Variants in MADD observed in about 807,000 individuals in gnomAD.
MADD encodes the protein MAP kinase-activating death domain protein.
A neutral mutation model predicts 176.7 loss-of-function variants in MADD; 109 were observed. The ratio of observed to expected loss-of-function variants is 0.62; its 90% confidence interval spans 0.53 to 0.72. MADD has a LOEUF of 0.72. MADD is among the 30% of genes least tolerant of loss of function. MADD has a pLI of 0.00. For synonymous variants in MADD, 771 were observed against 771.3 expected (o/e 1.00, Z 0.01); for missense variants, 1,914 against 2,045.5 (o/e 0.94, Z 1.24).
At chr11:47,320,946 T>C (rs567568760) in intron 27 of MADD, among the ~76,000 whole-genome samples, 2 of 151,944 alleles carry the variant, frequency 1.3e-5, no homozygotes, top group South Asian at 4.1e-4. Context: ...TAATAATAAT[T>C]GCTCATTGAA....
At position 47,328,254 on chromosome 11, in the gene MADD, G is replaced by T. The variant is rs1222616717; in HGVS notation, c.4613-404G>T. ...GTTCACGGGTGTCTCAGCAAAGTTGGACACAAGCTAGAGAGAGCTCTCTCC... is the reference window on the plus strand; with the variant it reads ...GTTCACGGGTGTCTCAGCAAAGTTGTACACAAGCTAGAGAGAGCTCTCTCC... On this transcript the variant is annotated intron_variant, in intron 31 of 32. Transcript: ENST00000402192. The T allele has an allele frequency of 1.4e-5, 16 of 1,106,046 alleles. No homozygotes were observed. The South Asian group carries it at 3.6e-4, about 25-fold the overall frequency. The allele number at this position is 1,106,046 out of a possible 1,614,324, so 68.5% of individuals were successfully genotyped here. A position where few individuals can be genotyped will look rare whatever the true frequency, so the allele number is the denominator to read the frequency against.
chr11:47,278,361 C>G, intron 6 of MADD, 83 bp downstream of exon 6: 2 of 1,033,438 alleles, frequency 1.9e-6, no homozygotes, highest in Non-Finnish European at 3.0e-6. Flanking sequence ...TTTCTAGATT[C>G]CTTTCAGGAA....
chr11:47,324,269 G>A (rs774670504), exon 29 of MADD: 1 of 1,614,006 alleles, frequency 6.2e-7, no homozygotes, highest in South Asian at 1.1e-5. Context: ...CCACAGTGTC[G>A]GGAGCTGTAC....
chr11:47,278,204 G>C, exon 6 of MADD: 1 of 1,614,056 alleles, frequency 6.2e-7, no homozygotes, highest in South Asian at 1.1e-5. Flanking sequence ...TGGGGTTCCT[G>C]CCAGCTTCTT....
At chr11:47,308,207 G>A (rs2084707909) in intron 22 of MADD, among the ~76,000 whole-genome samples, 2 of 152,196 alleles carry the variant, frequency 1.3e-5, no homozygotes, top group Non-Finnish European at 2.9e-5. Flanking sequence ...GCTCAGCGAA[G>A]CTGATTTCTG....
chr11:47,321,600 G>A (rs192920878), intron 27 of MADD, among the ~76,000 whole-genome samples: 4 of 152,232 alleles, frequency 2.6e-5, no homozygotes, highest in South Asian at 2.1e-4. Flanking sequence ...GCTCAGGGGG[G>A]GCAGAATAAA....
intron 1 of MADD, chr11:47,271,927 A>G (rs954843401): frequency 3.3e-5 from 5 of 152,164 alleles, no homozygotes; most frequent in African/African-American, 1.2e-4. Context: ...GGGAGAACCA[A>G]GGGACTATTT....
At chr11:47,327,787 TCTC>T in intron 31 of MADD, 6 of 985,358 alleles carry the variant, frequency 6.1e-6, no homozygotes, top group Middle Eastern at 5.2e-4. Flanking sequence ...TACGGCCAAT[TCTC>T]CTCCTGCCTT....
intron 27 of MADD, among the ~76,000 whole-genome samples, chr11:47,316,702 T>C (rs931541240): frequency 3.3e-5 from 5 of 152,078 alleles, no homozygotes; most frequent in Non-Finnish European, 7.4e-5. Flanking sequence ...CAGTGGACTT[T>C]TATGCAAACA....
chr11:47,310,325 G>T (rs1399921843), intron 25 of MADD, among the ~76,000 whole-genome samples: 1 of 151,482 alleles, frequency 6.6e-6, no homozygotes, highest in Admixed American at 6.6e-5. Flanking sequence ...GGGATTACAG[G>T]CATCTACCAC....
intron 27 of MADD, among the ~76,000 whole-genome samples, chr11:47,320,602 T>C (rs1405798238): frequency 1.3e-5 from 2 of 152,084 alleles, no homozygotes; most frequent in Non-Finnish European, 2.9e-5. Context: ...CTGGGCAACA[T>C]AGGGAGACCC....
chr11:47,275,092 C>T lies in MADD; in HGVS notation c.592C>T (p.Arg198Cys), dbSNP rs751333748. 1.9e-6 allele frequency: 3 copies of T among 1,614,230 alleles called. No individual in the cohort carries two copies. The highest frequency in any genetic ancestry group is 1.7e-5 in the Admixed American group (1 of 60,030). ...CCGAGAGTGTTTGTATACTCTCAAG[C>T]GCCTGGTGGACTGCTGTAGTGAGCG... Residue 198 changes from arginine to cysteine, a missense_variant, in exon 3 of 33, where the codon CGC (arginine) becomes TGC (cysteine). Arg to Cys is a radical substitution (Grantham distance 180). Coordinates refer to ENST00000402192, the Ensembl canonical transcript of MADD.
At chr11:47,315,832 C>CTT (rs138135047) in intron 27 of MADD, among the ~76,000 whole-genome samples, 10 of 128,730 alleles carry the variant, frequency 7.8e-5, no homozygotes, top group Non-Finnish European at 8.4e-5. Flanking sequence ...ATACCCATTT[C>CTT]TTTTTTTTTT....
intron 25 of MADD, among the ~76,000 whole-genome samples, chr11:47,311,507 A>G (rs942610010): frequency 2.0e-5 from 3 of 152,188 alleles, no homozygotes; most frequent in Non-Finnish European, 4.4e-5. Context: ...AACCGCTCTA[A>G]GAGCCACTTT....
intron 15 of MADD, among the ~76,000 whole-genome samples, chr11:47,287,892 A>G (rs749734951): frequency 7.0e-6 from 1 of 142,818 alleles, no homozygotes; most frequent in Non-Finnish European, 1.5e-5. Context: ...CCGGGTTCAC[A>G]CCATTCTGCC....
In MADD at chr11:47,282,625, A is replaced by G. The variant is rs749466807; in HGVS notation, c.1705+9A>G. On this transcript the variant is annotated intron_variant, in intron 9 of 32. Coordinates refer to ENST00000402192, the Ensembl canonical transcript of MADD. ...TCAGCGAATTCACAACAGTGAGTCT[A>G]CCTGCCCTCTGCTCCGCTCTGCCTT... 7 of 1,613,216 alleles carry G rather than the reference A, an allele frequency of 4.3e-6. No homozygotes were observed. Among genetic ancestry groups the G allele is most frequent in the Admixed American group, 1.7e-5 (1 of 59,980 alleles).
intron 15 of MADD, 79 bp from the exon 17 acceptor site, chr11:47,289,312 A>G: frequency 1.7e-6 from 2 of 1,201,744 alleles, no homozygotes; most frequent in South Asian, 1.2e-5. Flanking sequence ...GGCATGGAAC[A>G]TGGCTACTTA....
At chr11:47,274,725 C>T (rs758085663) in exon 3 of MADD, 7 of 1,614,106 alleles carry the variant, frequency 4.3e-6, no homozygotes, top group South Asian at 1.1e-5. Flanking sequence ...GGGATGATAC[C>T]TCTTTTGTCT....
chr11:47,304,901 A>G (rs2081350074), intron 22 of MADD, among the ~76,000 whole-genome samples: 1 of 152,172 alleles, frequency 6.6e-6, no homozygotes, highest in Admixed American at 6.5e-5. Flanking sequence ...TCATAGAGAA[A>G]GACTTTCACA....
Sources: allele counts gnomAD v4.1 joint callset (sites outside exome capture counted in the v4.1 genomes callset), GRCh38; gene constraint gnomAD v4.1.1; transcripts MANE v1.5; gene names NCBI Gene and HGNC (gene_info 2026-07-23, HGNC 2026-07-21).